Variants in TOX3 observed in about 807,000 individuals in gnomAD.
The protein encoded by TOX3 is CAG trinucleotide repeat-containing gene F9 protein.
Under a neutral mutation model 64.3 loss-of-function variants are expected in TOX3, and 22 were observed. The ratio of observed to expected loss-of-function variants is 0.34; its 90% CI spans 0.24 to 0.49. The LOEUF (loss-of-function observed/expected upper bound fraction) is 0.49, where lower values mean the gene tolerates loss of function less well. Among genes scored for constraint, TOX3 ranks in the 20% least tolerant of loss-of-function variants. The pLI is 0.99. For missense variants in TOX3, 661 were observed against 714.4 expected (o/e 0.93, Z 0.85); for synonymous variants, 291 against 273.6 (o/e 1.06, Z -0.63).
rs1033459697 is a variant in TOX3 at position 52,452,006 on chromosome 16, C to T, written c.409-1460G>A. Among the ~76,000 whole-genome samples the T allele has an allele frequency of 9.9e-5, 15 of 152,106 alleles. 1 individual carries two copies. Among genetic ancestry groups the T allele is most frequent in the Admixed American group, 6.6e-5 (1 of 15,266 alleles). The stretch of plus-strand genomic sequence containing the variant: ...ACTAGATGCTAACAACGTCCCTCCC[C>T]GTACCAGTCATGACAATGAAAAATG... On this transcript the variant is annotated intron_variant, in intron 3 of 6. Transcript: ENST00000219746.
chr16:52,470,567 G>A (rs966711798), intron 1 of TOX3, among the ~76,000 whole-genome samples: 3 of 152,140 alleles, frequency 2.0e-5, no homozygotes, highest in Non-Finnish European at 4.4e-5. Context: ...AATAAGAACT[G>A]GGTTAGAAAT....
rs1959800032 is a variant in TOX3 at position 52,437,957 on chromosome 16, G to C, written c.*1268C>G. The C allele has an allele frequency of 6.6e-6, 1 of 152,462 alleles. No homozygotes were observed. The highest frequency in any genetic ancestry group is 1.5e-5 in the Non-Finnish European group (1 of 68,018). The allele number at this position is 152,462 out of a possible 1,614,324, so 9.4% of individuals were successfully genotyped here. ...TGATGTTTGGGCTAAAACGAAACTT[G>C]GTATGTGGCATATTTCCCCATCTTA... On this transcript the variant is annotated 3_prime_UTR_variant, in exon 7 of 7. Transcript: ENST00000219746.
intron 1 of TOX3, among the ~76,000 whole-genome samples, chr16:52,504,432 A>T (rs1357881953): frequency 2.8e-5 from 4 of 144,848 alleles, no homozygotes; most frequent in African/African-American, 1.0e-4. Flanking sequence ...GTGTCACTGC[A>T]CTCCAGCCTA....
At chr16:52,514,961 A>G (rs965161916) in intron 1 of TOX3, among the ~76,000 whole-genome samples, 1 of 140,740 alleles carries the variant, frequency 7.1e-6, no homozygotes, top group African/African-American at 2.6e-5. Flanking sequence ...CAGTGAGCCA[A>G]GATGACAGCC....
chr16:52,450,427 G>T lies in TOX3; in HGVS notation c.528C>A (p.Thr176=), dbSNP rs983423211. The change falls in exon 4 of 7, where the codon ACC becomes ACA. Residue 176 remains threonine, a synonymous_variant. Coordinates refer to ENST00000219746, the MANE Select transcript of TOX3 (RefSeq NM_001080430.4). ...GGGCGCTGAGCTGAGACTGGTTGAT[G>T]GTGGTGAGCTGGGCAGGAGGCATGA... ...SGVMPPAQLT[T]INQSQLSAQL... 1.2e-6 allele frequency: 2 copies of T among 1,613,928 alleles called. No individual in the cohort carries two copies. Among genetic ancestry groups the T allele is most frequent in the African/African-American group, 2.7e-5 (2 of 74,934 alleles).
chr16:52,445,029 T>G (rs1960121582), intron 5 of TOX3: 1 of 152,232 alleles, frequency 6.6e-6, no homozygotes, highest in African/African-American at 2.4e-5. Flanking sequence ...TCAGTCAACA[T>G]GCATCTTTCT....
At chr16:52,495,592 T>C (rs1596826538) in intron 1 of TOX3, among the ~76,000 whole-genome samples, 1 of 152,310 alleles carries the variant, frequency 6.6e-6, no homozygotes, top group South Asian at 2.1e-4. Flanking sequence ...TGTTTTAAAA[T>C]CACACAGCAC....
At chr16:52,498,595 G>C (rs549267464) in intron 1 of TOX3, among the ~76,000 whole-genome samples, 29 of 152,216 alleles carry the variant, frequency 1.9e-4, no homozygotes, top group African/African-American at 5.3e-4. Flanking sequence ...GGTTGGGGGG[G>C]GGAGGCTGTA....
At chr16:52,490,123 C>A (rs1287728951) in intron 1 of TOX3, among the ~76,000 whole-genome samples, 1 of 151,728 alleles carries the variant, frequency 6.6e-6, no homozygotes, top group East Asian at 1.9e-4. Flanking sequence ...GTGACTGGAT[C>A]ATGGGGGAAG....
intron 1 of TOX3, among the ~76,000 whole-genome samples, chr16:52,521,964 C>A (rs1027819430): frequency 6.6e-6 from 1 of 152,204 alleles, no homozygotes; most frequent in African/African-American, 2.4e-5. Flanking sequence ...TCACCTGAGA[C>A]TTTGAACAAG....
At chr16:52,440,140 A>G (rs1341769947) in intron 6 of TOX3, among the ~76,000 whole-genome samples, 172 bp from the exon 7 acceptor site, 1 of 152,072 alleles carries the variant, frequency 6.6e-6, no homozygotes, top group Admixed American at 6.6e-5. Context: ...AGGTGGAGTC[A>G]AATCCCCTAC....
At chr16:52,504,328 G>C (rs1962094582) in intron 1 of TOX3, among the ~76,000 whole-genome samples, 1 of 152,058 alleles carries the variant, frequency 6.6e-6, no homozygotes, top group Non-Finnish European at 1.5e-5. Flanking sequence ...TTAGCCAGGC[G>C]TGGTGGTGGG....
rs117162935 is a variant in TOX3 at position 52,488,117 on chromosome 16, G to A, written c.88-19543C>T. On this transcript the variant is annotated intron_variant, in intron 1 of 6. Coordinates refer to ENST00000219746, the MANE Select transcript of TOX3 (RefSeq NM_001080430.4). ...TGTCTCTGCCTATGTATCCTGGTAT[G>A]TATATTTTATTTCTTGACCACATTC... is the stretch of plus-strand genomic sequence containing the variant. 1.8e-3 allele frequency among the ~76,000 whole-genome samples: 281 copies of A among 152,242 alleles called. 4 individuals carry two copies. The East Asian group carries it at 0.033, about 18-fold the overall frequency.
rs957105377 is a variant in TOX3 at position 52,534,637 on chromosome 16, T to TA, written c.87+11999dup. Among the ~76,000 whole-genome samples the TA allele has an allele frequency of 2.3e-3, 348 of 150,818 alleles. 2 individuals are homozygous for TA. The highest frequency in any genetic ancestry group is 8.3e-3 in the African/African-American group (342 of 41,056). On this transcript the variant is annotated intron_variant, in intron 1 of 6. Transcript: ENST00000219746. ...GGCAACACAACAAGACCCTGACTCT[T>TA]AAAAAAAACAAAAAAGAGTTAATGG... is the stretch of plus-strand genomic sequence containing the variant.
rs1401161845 is a variant in TOX3 at position 52,468,566 on chromosome 16, A to G, written c.96T>C (p.Asn32=). The G allele has an allele frequency of 3.7e-6, 6 of 1,611,248 alleles. No individual in the cohort carries two copies. The Admixed American group carries it at 1.0e-4, about 27-fold the overall frequency. The part of the protein sequence containing the change: ...LGYYGYSKFG[N]NNNYMNMAEA... ...CAGCCATATTCATATAGTTATTATT[A>G]TTTCCAAACTGAAAGAAAACAGATT... The change falls in exon 2 of 7, where the codon AAT becomes AAC. Residue 32 remains asparagine, a synonymous_variant. Transcript: ENST00000219746.
intron 1 of TOX3, among the ~76,000 whole-genome samples, chr16:52,471,909 G>T (rs1596802717): frequency 6.6e-6 from 1 of 152,048 alleles, no homozygotes; most frequent in African/African-American, 2.4e-5. Flanking sequence ...ATTCAACCAC[G>T]GAAGTCTAGC....
intron 1 of TOX3, among the ~76,000 whole-genome samples, chr16:52,502,946 C>T (rs1424565312): frequency 3.9e-5 from 6 of 152,270 alleles, no homozygotes; most frequent in Admixed American, 1.3e-4. Context: ...TGCAACTATA[C>T]AAACTATATC....
intron 1 of TOX3, among the ~76,000 whole-genome samples, chr16:52,474,407 C>G (rs1263426342): frequency 6.6e-6 from 1 of 151,994 alleles, no homozygotes; most frequent in African/African-American, 2.4e-5. Flanking sequence ...ACAAAGAGGC[C>G]TTTCGAAAAT....
chr16:52,546,281 G>A (rs1476879914), intron 1 of TOX3, among the ~76,000 whole-genome samples: 3 of 152,160 alleles, frequency 2.0e-5, no homozygotes, highest in Non-Finnish European at 4.4e-5. Flanking sequence ...CCCCCACTCA[G>A]TCCAGGGGGG....
Sources: allele counts gnomAD v4.1 joint callset (sites outside exome capture counted in the v4.1 genomes callset), GRCh38; gene constraint gnomAD v4.1.1; transcripts MANE v1.5; gene names NCBI Gene and HGNC (gene_info 2026-07-23, HGNC 2026-07-21).